Variants in PARD3 observed in about 807,000 individuals in gnomAD.
The protein encoded by PARD3 is partitioning defective 3 homolog.
A neutral mutation model predicts 155.4 loss-of-function variants in PARD3; 75 were observed. The ratio of observed to expected loss-of-function variants is 0.48; its 90% CI spans 0.40 to 0.58. The LOEUF is 0.58. PARD3 is among the 20% of genes least tolerant of loss of function. PARD3 has a pLI of 0.00. For synonymous variants in PARD3, 576 were observed against 610.5 expected (o/e 0.94, Z 0.83); for missense variants, 1,642 against 1,721.7 (o/e 0.95, Z 0.82).
chr10:34,317,590 C>T (rs567957795), intron 19 of PARD3, among the ~76,000 whole-genome samples: 1 of 152,302 alleles, frequency 6.6e-6, no homozygotes, highest in Admixed American at 6.5e-5. Flanking sequence ...GATGCTGATG[C>T]ACCCACAGAA....
intron 20 of PARD3, among the ~76,000 whole-genome samples, chr10:34,306,928 C>T (rs890063866): frequency 1.3e-5 from 2 of 152,082 alleles, no homozygotes; most frequent in Non-Finnish European, 2.9e-5. Flanking sequence ...GTTCTGTCCC[C>T]CACACTGGAG....
intron 2 of PARD3, among the ~76,000 whole-genome samples, chr10:34,694,016 C>A (rs184664020): frequency 1.3e-5 from 2 of 152,206 alleles, no homozygotes; most frequent in African/African-American, 4.8e-5. Flanking sequence ...CAGTGATAAG[C>A]TCTCAGCAAT....
At chr10:34,656,685 G>C (rs756523463) in intron 2 of PARD3, among the ~76,000 whole-genome samples, 23 of 152,272 alleles carry the variant, frequency 1.5e-4, no homozygotes, top group Non-Finnish European at 2.9e-4. Context: ...CCTACTTGTG[G>C]CTGCTGAACT....
At chr10:34,408,478 G>A (rs916274537) in intron 5 of PARD3, among the ~76,000 whole-genome samples, 12 of 152,146 alleles carry the variant, frequency 7.9e-5, no homozygotes, top group Non-Finnish European at 1.8e-4. Flanking sequence ...GTGAATTAAA[G>A]CACTTTTTCT....
At chr10:34,654,896 C>G (rs1342190535) in intron 2 of PARD3, among the ~76,000 whole-genome samples, 2 of 151,800 alleles carry the variant, frequency 1.3e-5, no homozygotes, top group East Asian at 3.9e-4. Context: ...ACCAGCTTTC[C>G]CCATCTACAC....
chr10:34,643,053 C>T (rs116392273), intron 2 of PARD3, among the ~76,000 whole-genome samples: 1 of 152,182 alleles, frequency 6.6e-6, no homozygotes, highest in Non-Finnish European at 1.5e-5. Flanking sequence ...CTGTGGACTC[C>T]GTCACACTGA....
intron 20 of PARD3, among the ~76,000 whole-genome samples, chr10:34,295,628 A>T (rs529707027): frequency 6.6e-6 from 1 of 152,328 alleles, no homozygotes; most frequent in South Asian, 2.1e-4. Flanking sequence ...CTGCTTTTGC[A>T]GGATATCATT....
intron 1 of PARD3, among the ~76,000 whole-genome samples, chr10:34,773,391 T>C (rs1440002361): frequency 6.6e-6 from 1 of 152,240 alleles, no homozygotes; most frequent in Non-Finnish European, 1.5e-5. Context: ...CTTGTTGAAC[T>C]TCTGAAGCTA....
chr10:34,387,262 A>AT (rs1353128761), intron 7 of PARD3, among the ~76,000 whole-genome samples: 5 of 152,278 alleles, frequency 3.3e-5, no homozygotes, highest in African/African-American at 1.2e-4. Context: ...TCCATAGAAA[A>AT]TTTTTACAAA....
chr10:34,156,407 T>C (rs1180976642), intron 22 of PARD3, among the ~76,000 whole-genome samples: 1 of 152,196 alleles, frequency 6.6e-6, no homozygotes, highest in Non-Finnish European at 1.5e-5. Context: ...ATGAATCTCA[T>C]ATTTTTATAA....
chr10:34,367,822 A>T (rs1840124312), intron 12 of PARD3, among the ~76,000 whole-genome samples: 1 of 152,146 alleles, frequency 6.6e-6, no homozygotes, highest in Admixed American at 6.5e-5. Flanking sequence ...CTAACTTGAG[A>T]CTCTAACCTT....
intron 22 of PARD3, among the ~76,000 whole-genome samples, chr10:34,230,932 G>A (rs1016777955): frequency 6.6e-6 from 1 of 151,990 alleles, no homozygotes; most frequent in Non-Finnish European, 1.5e-5. Context: ...AGACTGAGGT[G>A]GGAAGATCTC....
chr10:34,253,264 G>A (rs1450982216), intron 22 of PARD3, among the ~76,000 whole-genome samples: 1 of 152,186 alleles, frequency 6.6e-6, no homozygotes, highest in Non-Finnish European at 1.5e-5. Context: ...TCAAGTAGGT[G>A]CGCAACAGAT....
At chr10:34,229,621 G>A (rs1952809217) in intron 22 of PARD3, among the ~76,000 whole-genome samples, 1 of 151,396 alleles carries the variant, frequency 6.6e-6, no homozygotes, top group South Asian at 2.1e-4. Context: ...TTTTGCTCTT[G>A]TTCATACGTC....
chr10:34,709,093 C>G (rs766671731), intron 1 of PARD3, among the ~76,000 whole-genome samples: 3 of 152,036 alleles, frequency 2.0e-5, no homozygotes, highest in Non-Finnish European at 4.4e-5. Context: ...TGCTTGGGAC[C>G]AAAAGTGTTT....
At chr10:34,306,371 G>A (rs893321191) in intron 20 of PARD3, among the ~76,000 whole-genome samples, 2 of 152,038 alleles carry the variant, frequency 1.3e-5, no homozygotes, top group African/African-American at 4.8e-5. Flanking sequence ...AATAAACCGG[G>A]CCAGGCGTGG....
chr10:34,313,490 T>C (rs187356648), intron 20 of PARD3, among the ~76,000 whole-genome samples: 1 of 152,338 alleles, frequency 6.6e-6, no homozygotes, highest in East Asian at 1.9e-4. Flanking sequence ...CTCCATAATT[T>C]ATAAACAGAA....
chr10:34,684,784 C>CAT (rs1403113406), intron 2 of PARD3, among the ~76,000 whole-genome samples: 228 of 19,982 alleles, frequency 0.011, no homozygotes, highest in Non-Finnish European at 0.017. Context: ...TACATACACA[C>CAT]ACACACACAC....
intron 2 of PARD3, among the ~76,000 whole-genome samples, chr10:34,554,284 C>A (rs892282059): frequency 1.3e-5 from 2 of 152,058 alleles, no homozygotes; most frequent in African/African-American, 2.4e-5. Context: ...TCAGTAAATG[C>A]CAATTATTAT....
Sources: allele counts gnomAD v4.1 joint callset (sites outside exome capture counted in the v4.1 genomes callset), GRCh38; gene constraint gnomAD v4.1.1; transcripts MANE v1.5; gene names NCBI Gene and HGNC (gene_info 2026-07-23, HGNC 2026-07-21).